ADAMTS17: variants seen among roughly 807,000 people sequenced by gnomAD.
ADAMTS17 encodes ADAM metallopeptidase with thrombospondin type 1 motif 17, also known as A disintegrin and metalloproteinase with thrombospondin motifs 17.
In ADAMTS17, 113 loss-of-function variants were observed where a neutral mutation model predicts 141.5. That is an observed-to-expected ratio of 0.80 (90% CI 0.69 to 0.93). The LOEUF is 0.93. Ranked by LOEUF, ADAMTS17 falls within the 40% of genes least tolerant of loss-of-function variation. The pLI is 0.00. For missense variants in ADAMTS17, 1,659 were observed against 1,517.9 expected (o/e 1.09, Z -1.54); for synonymous variants, 768 against 630.6 (o/e 1.22, Z -3.27).
At chr15:100,128,246 ATC>A (rs2141216596) in intron 12 of ADAMTS17, 1 of 152,252 alleles carries the variant, frequency 6.6e-6, no homozygotes, top group African/African-American at 2.4e-5. Context: ...CAGGGATTTT[ATC>A]TGTGTTTGCT....
chr15:100,037,009 A>G (rs1030043846), intron 18 of ADAMTS17, among the ~76,000 whole-genome samples: 1 of 152,236 alleles, frequency 6.6e-6, no homozygotes, highest in African/African-American at 2.4e-5. Context: ...CCATTATAAT[A>G]CTATGAACAT....
chr15:100,052,487 G>C lies in ADAMTS17; in HGVS notation c.2296-756C>G, dbSNP rs2032223262. Among the ~76,000 whole-genome samples, 3 of 152,202 alleles carry C rather than the reference G, an allele frequency of 2.0e-5. No individual in the cohort carries two copies. The East Asian group carries it at 5.8e-4, about 29-fold the overall frequency. Reference sequence around the variant, plus strand: ...CTCCGAGTTTTGTTCATCCTGGTCTGAATGAATCCAGGCTGGGGACTTCAC... The same window carrying C: ...CTCCGAGTTTTGTTCATCCTGGTCTCAATGAATCCAGGCTGGGGACTTCAC... On this transcript the variant is annotated intron_variant, in intron 16 of 21. Coordinates refer to ENST00000268070, the MANE Select transcript of ADAMTS17 (RefSeq NM_139057.4).
chr15:100,212,399 T>G (rs1309316017), intron 7 of ADAMTS17, among the ~76,000 whole-genome samples: 4 of 151,820 alleles, frequency 2.6e-5, no homozygotes, highest in African/African-American at 4.8e-5. Context: ...GTCCAGGGAG[T>G]TTCCTTTTAA....
In ADAMTS17 at chr15:100,214,253, G is replaced by A. The variant is rs117473125; in HGVS notation, c.1076-14830C>T. On this transcript the variant is annotated intron_variant, in intron 7 of 21. Coordinates refer to ENST00000268070, the MANE Select transcript of ADAMTS17 (RefSeq NM_139057.4). ...CATTTCTCACTGGAGAGGAAAACTT[G>A]TCATCTGGCTTTGTGAAGAAGGTTC... 4.5e-3 allele frequency among the ~76,000 whole-genome samples: 686 copies of A among 152,234 alleles called. 3 individuals carry two copies. The highest frequency in any genetic ancestry group is 0.017 in the Middle Eastern group (5 of 294).
At chr15:100,062,385 G>A (rs1264999004) in intron 15 of ADAMTS17, among the ~76,000 whole-genome samples, 1 of 152,210 alleles carries the variant, frequency 6.6e-6, no homozygotes, top group African/African-American at 2.4e-5. Context: ...ACCCCACGTG[G>A]GTGCTTGGAA....
intron 7 of ADAMTS17, among the ~76,000 whole-genome samples, chr15:100,225,847 C>A (rs143531462): frequency 0.013 from 1,926 of 149,304 alleles, 14 homozygotes; most frequent in Middle Eastern, 0.025. Flanking sequence ...GCCATTCAGT[C>A]CTTACAGCAG....
chr15:100,184,542 C>G (rs2040637357), intron 8 of ADAMTS17, among the ~76,000 whole-genome samples: 1 of 152,208 alleles, frequency 6.6e-6, no homozygotes, highest in South Asian at 2.1e-4. Context: ...GACGAGGACA[C>G]TGGGGCACAT....
chr15:100,118,405 C>T (rs1475527976), intron 12 of ADAMTS17, among the ~76,000 whole-genome samples: 1 of 152,200 alleles, frequency 6.6e-6, no homozygotes, highest in African/African-American at 2.4e-5. Context: ...CACTAGAAAA[C>T]AGTTCCCTCC....
chr15:100,044,906 C>T (rs902083023), intron 18 of ADAMTS17, among the ~76,000 whole-genome samples: 4 of 151,258 alleles, frequency 2.6e-5, no homozygotes, highest in Non-Finnish European at 5.9e-5. Flanking sequence ...ATCCCAGGTT[C>T]AAGCAATTCT....
chr15:100,062,910 G>A lies in ADAMTS17; in HGVS notation c.2138-8856C>T, dbSNP rs1005201015. ...AGCATGTTCCAAGCCAGGAAGGTAG[G>A]AGCAGAGGCACCCTCTGGGCACCCT... On this transcript the variant is annotated intron_variant, in intron 15 of 21. Transcript: ENST00000268070. Among the ~76,000 whole-genome samples, 6 of 152,264 alleles carry A rather than the reference G, an allele frequency of 3.9e-5. No homozygotes were observed. The East Asian group carries it at 1.2e-3, about 29-fold the overall frequency.
Position 100,109,084 on chromosome 15 carries a change from C to G in ADAMTS17, c.1921G>C (p.Gly641Arg). ...KPCELYCSPL[G>R]KESPLLVADR... ...GCCACCAGCAGTGGGGACTCCTTCC[C>G]GAGGGGCGAGCAGTAGAGTTCACAT... Residue 641 changes from glycine to arginine, a missense_variant, in exon 14 of 22, where the codon GGG becomes CGG. By Grantham distance (125) the Gly-to-Arg change is moderately radical. Coordinates refer to ENST00000268070, the MANE Select transcript of ADAMTS17 (RefSeq NM_139057.4). 4 of 1,613,696 alleles carry G rather than the reference C, an allele frequency of 2.5e-6. No individual in the cohort carries two copies. The highest frequency in any genetic ancestry group is 3.4e-6 in the Non-Finnish European group (4 of 1,179,874).
chr15:100,099,328 G>A (rs1049673871), intron 14 of ADAMTS17, among the ~76,000 whole-genome samples: 11 of 152,150 alleles, frequency 7.2e-5, no homozygotes, highest in African/African-American at 2.2e-4. Flanking sequence ...ATCTGCGAAC[G>A]GGGGCATTTT....
chr15:100,214,403 G>A (rs1220614983), intron 7 of ADAMTS17, among the ~76,000 whole-genome samples: 2 of 152,118 alleles, frequency 1.3e-5, no homozygotes, highest in African/African-American at 4.8e-5. Context: ...TAATATTATT[G>A]GGAGTATCTG....
chr15:100,239,488 T>G (rs1271746885), intron 7 of ADAMTS17, among the ~76,000 whole-genome samples: 1 of 97,722 alleles, frequency 1.0e-5, no homozygotes, highest in Non-Finnish European at 2.3e-5. Flanking sequence ...TCGGCACCGC[T>G]CCCAGGCCTG....
chr15:100,177,855 G>A (rs2040390932), intron 8 of ADAMTS17, among the ~76,000 whole-genome samples: 2 of 152,160 alleles, frequency 1.3e-5, no homozygotes, highest in South Asian at 2.1e-4. Context: ...GTACATATAC[G>A]TTAAAGGTTG....
rs868731875 is a variant in ADAMTS17, at chr15:100,308,665, T to C, written c.616+22224A>G. ...TTCATGAAAAAAGAAAAAAAAGTAA[T>C]GGGAAAGGAAAACAGAATCCCGGGC... On this transcript the variant is annotated intron_variant, in intron 3 of 21. Transcript: ENST00000268070. 2.0e-5 allele frequency among the ~76,000 whole-genome samples: 3 copies of C among 151,956 alleles called. No homozygotes were observed. The South Asian group carries it at 6.2e-4, about 32-fold the overall frequency.
intron 18 of ADAMTS17, among the ~76,000 whole-genome samples, chr15:100,012,392 G>A (rs2061204666): frequency 6.6e-6 from 1 of 152,124 alleles, no homozygotes; most frequent in Admixed American, 6.5e-5. Flanking sequence ...GTTTAATTAA[G>A]TCCCAACTAT....
At chr15:100,254,000 GACCA>G in intron 7 of ADAMTS17, 132 bp downstream of exon 7, 1 of 832,954 alleles carries the variant, frequency 1.2e-6, no homozygotes, top group Non-Finnish European at 2.0e-6. Flanking sequence ...GAAAGTCAAA[GACCA>G]ACTTACAGGA....
intron 18 of ADAMTS17, among the ~76,000 whole-genome samples, chr15:100,015,110 A>G (rs544963961): frequency 1.3e-5 from 2 of 152,226 alleles, no homozygotes; most frequent in Admixed American, 6.5e-5. Flanking sequence ...TTACCATTAT[A>G]TGATGTCTCA....
Sources: allele counts gnomAD v4.1 joint callset (sites outside exome capture counted in the v4.1 genomes callset), GRCh38; gene constraint gnomAD v4.1.1; transcripts MANE v1.5; gene names NCBI Gene and HGNC (gene_info 2026-07-23, HGNC 2026-07-21).